TRIM24: variants seen among roughly 807,000 people sequenced by gnomAD.
TRIM24 encodes tripartite motif containing 24, also known as transcription intermediary factor 1-alpha.
A neutral mutation model predicts 123.9 loss-of-function variants in TRIM24; 29 were observed. The ratio of observed to expected loss-of-function variants is 0.23; its 90% CI spans 0.17 to 0.32. The LOEUF (loss-of-function observed/expected upper bound fraction) is 0.32. Ranked by LOEUF, TRIM24 falls within the 10% of genes least tolerant of loss-of-function variation. The pLI, the probability that TRIM24 is intolerant of heterozygous loss-of-function variation, is 1.00. For synonymous variants in TRIM24, 456 were observed against 461.1 expected, an observed-to-expected ratio of 0.99 and a Z score of 0.14; for missense variants, 932 against 1,295.3, an observed-to-expected ratio of 0.72 and a Z score of 4.31.
chr7:138,518,742 C>A (rs374969753), intron 3 of TRIM24, among the ~76,000 whole-genome samples: 1 of 152,136 alleles, frequency 6.6e-6, no homozygotes, highest in African/African-American at 2.4e-5. Context: ...AGCAAGCGAT[C>A]CTCTCAACTC....
intron 3 of TRIM24, among the ~76,000 whole-genome samples, chr7:138,516,776 T>C (rs542930095): frequency 1.3e-5 from 2 of 152,186 alleles, no homozygotes; most frequent in East Asian, 3.9e-4. Flanking sequence ...GATTCATCCA[T>C]GTAATAGCAT....
At chr7:138,563,007 A>T (rs919237069) in intron 9 of TRIM24, among the ~76,000 whole-genome samples, 2 of 152,178 alleles carry the variant, frequency 1.3e-5, no homozygotes, top group Admixed American at 1.3e-4. Context: ...TTGGCCAACA[A>T]AGTGGCCTCT....
chr7:138,462,591 C>T (rs913762566), intron 1 of TRIM24, among the ~76,000 whole-genome samples: 2 of 151,964 alleles, frequency 1.3e-5, no homozygotes, highest in Non-Finnish European at 2.9e-5. Context: ...CCGCCCGCCT[C>T]GGCCTCCCAA....
intron 1 of TRIM24, among the ~76,000 whole-genome samples, chr7:138,461,505 G>C (rs1041561100): frequency 1.3e-5 from 2 of 152,186 alleles, no homozygotes; most frequent in Non-Finnish European, 2.9e-5. Context: ...GGGGACAAAG[G>C]AACCAAGAGA....
intron 6 of TRIM24, among the ~76,000 whole-genome samples, chr7:138,533,218 C>G (rs917604088): frequency 2.0e-5 from 3 of 152,162 alleles, no homozygotes; most frequent in African/African-American, 7.2e-5. Context: ...TTTCTCTTGC[C>G]TGATTGCCCT....
At position 138,585,053 on chromosome 7, in the gene TRIM24, A is replaced by T. The variant is rs962011071; in HGVS notation, c.*102A>T. The T allele has an allele frequency of 2.8e-5, 28 of 1,006,358 alleles. No individual in the cohort carries two copies. Among genetic ancestry groups the T allele is most frequent in the Non-Finnish European group, 4.0e-5 (28 of 698,334 alleles). 62.3% of individuals were successfully genotyped at this position (1,006,358 alleles called of 1,614,324 possible). A position where few individuals can be genotyped will look rare whatever the true frequency, so the allele number is the denominator to read the frequency against. ...ACTACAAAAAGAAGAGTTTGTGACT[A>T]TTCTCATCTCTGTTTTGGACGTTTA... On this transcript the variant is annotated 3_prime_UTR_variant, in exon 19 of 19. Transcript: ENST00000343526.
chr7:138,549,841 G>A lies in TRIM24; in HGVS notation c.1144-1222G>A, dbSNP rs116444577. 6.7e-3 allele frequency among the ~76,000 whole-genome samples: 1,013 copies of A among 152,238 alleles called. 15 individuals are homozygous for A. The highest frequency in any genetic ancestry group is 0.023 in the African/African-American group (953 of 41,534). On this transcript the variant is annotated intron_variant, in intron 7 of 18. Coordinates refer to ENST00000343526, the MANE Select transcript of TRIM24 (RefSeq NM_015905.3). The stretch of plus-strand genomic sequence containing the variant: ...ATGAAAATTACTGGGCAGGCAAGAC[G>A]GGGTGTGCTTTACTGCACAAGTGGA...
chr7:138,479,639 A>G (rs966135565), intron 1 of TRIM24, among the ~76,000 whole-genome samples: 15 of 149,168 alleles, frequency 1.0e-4, no homozygotes, highest in Admixed American at 7.4e-4. Flanking sequence ...CAGCCTCCCA[A>G]GTAGCTGGGA....
At chr7:138,504,761 C>CTT (rs559248771) in intron 2 of TRIM24, among the ~76,000 whole-genome samples, 7 of 142,162 alleles carry the variant, frequency 4.9e-5, no homozygotes, top group African/African-American at 5.1e-5. Flanking sequence ...CACCTGGCCT[C>CTT]TTTTTTTTTT....
rs1554436660 is a variant in TRIM24, at chr7:138,508,700, CGT to C, written c.483+4298_483+4299del. ...GTGTGTGTGTGTGTGTGTGCGCGCG[CGT>C]GTGTGCGTGTGTGTGTGCGTGTGTG... On this transcript the variant is annotated intron_variant, in intron 2 of 18. Coordinates refer to ENST00000343526, the MANE Select transcript of TRIM24 (RefSeq NM_015905.3). Among the ~76,000 whole-genome samples, 251 of 35,534 alleles carry C rather than the reference CGT, an allele frequency of 7.1e-3. 4 individuals are homozygous for C. Among genetic ancestry groups the C allele is most frequent in the African/African-American group, 0.015 (205 of 13,822 alleles). The allele number at this position is 35,534 out of a possible 152,430, so 23.3% of individuals were successfully genotyped here.
intron 3 of TRIM24, 69 bp downstream of exon 3, chr7:138,515,428 C>T: frequency 6.6e-7 from 1 of 1,525,564 alleles, no homozygotes; most frequent in Non-Finnish European, 9.0e-7. Context: ...CCTGTATTGA[C>T]TTGTTTTGAC....
At chr7:138,464,640 GA>G (rs1337885141) in intron 1 of TRIM24, among the ~76,000 whole-genome samples, 1 of 152,066 alleles carries the variant, frequency 6.6e-6, no homozygotes, top group Admixed American at 6.6e-5. Flanking sequence ...AAAAATGTGT[GA>G]ATATTTATAC....
At chr7:138,478,924 A>G (rs1470392710) in intron 1 of TRIM24, among the ~76,000 whole-genome samples, 1 of 152,206 alleles carries the variant, frequency 6.6e-6, no homozygotes, top group Non-Finnish European at 1.5e-5. Flanking sequence ...ATCTCAGCAT[A>G]GTGGCCTTCC....
intron 9 of TRIM24, among the ~76,000 whole-genome samples, chr7:138,561,011 C>T (rs563836503): frequency 4.6e-5 from 7 of 152,308 alleles, no homozygotes; most frequent in Non-Finnish European, 7.4e-5. Flanking sequence ...AGTTCTTCCT[C>T]GTACTTTATT....
Position 138,577,403 on chromosome 7 carries a change from C to A in TRIM24, c.2088-17C>A. The A allele has an allele frequency of 1.3e-6, 2 of 1,491,560 alleles. No homozygotes were observed. The highest frequency in any genetic ancestry group is 1.8e-6 in the Non-Finnish European group (2 of 1,121,842). The allele number at this position is 1,491,560 out of a possible 1,614,324, so 92.4% of individuals were successfully genotyped here. A position where few individuals can be genotyped will look rare whatever the true frequency, so the allele number is the denominator to read the frequency against. ...TAACATTCTTAGATTGCTTTTTCTT[C>A]TCTCTCATACTTACAGCTCTGGCTC... On this transcript the variant is annotated splice_polypyrimidine_tract_variant and intron_variant, in intron 13 of 18. Transcript: ENST00000343526.
Position 138,515,061 on chromosome 7 carries a change from G to A in TRIM24, c.484-151G>A, listed in dbSNP as rs557762305. ...TATTTTCATTTCTTATGTGTATAAT[G>A]TAACACACAAGGTCAGTTTAAAATT... On this transcript the variant is annotated intron_variant, in intron 2 of 18. Coordinates refer to ENST00000343526, the MANE Select transcript of TRIM24 (RefSeq NM_015905.3). The A allele has an allele frequency of 5.0e-5, 30 of 595,166 alleles. No individual in the cohort carries two copies. The African/African-American group carries it at 5.3e-4, about 10-fold the overall frequency. The allele number at this position is 595,166 out of a possible 1,614,324, so 36.9% of individuals were successfully genotyped here. A position where few individuals can be genotyped will look rare whatever the true frequency, so the allele number is the denominator to read the frequency against.
intron 5 of TRIM24, 110 bp from the exon 6 acceptor site, chr7:138,529,006 T>C (rs1352638960): frequency 2.0e-6 from 1 of 506,332 alleles, no homozygotes; most frequent in Non-Finnish European, 3.5e-6. Context: ...GACTCAGAAA[T>C]AGAGCTTCTA....
chr7:138,559,801 G>C (rs552440929), intron 9 of TRIM24, among the ~76,000 whole-genome samples: 12 of 152,326 alleles, frequency 7.9e-5, no homozygotes, highest in African/African-American at 2.9e-4. Context: ...GAGTGGACAA[G>C]ATTACAGTAT....
chr7:138,576,222 C>T (rs1295204532), intron 12 of TRIM24, 151 bp from the exon 13 acceptor site: 2 of 705,036 alleles, frequency 2.8e-6, no homozygotes. Flanking sequence ...CAGGCTGTAA[C>T]AGACTGCTGA....
Sources: gnomAD v4.1 joint callset for allele counts (sites outside exome capture counted in the v4.1 genomes callset) on GRCh38, gnomAD v4.1.1 for gene constraint, MANE v1.5 for transcripts, NCBI Gene and HGNC (gene_info 2026-07-23, HGNC 2026-07-21) for gene names.